Variants in CLASP2 observed in about 807,000 individuals in gnomAD.
CLASP2 encodes cytoplasmic linker associated protein 2.
In CLASP2, 47 loss-of-function variants were observed where a neutral mutation model predicts 194.4. That is an observed-to-expected ratio of 0.24 (90% CI 0.19 to 0.31). CLASP2 has a LOEUF of 0.31. CLASP2 is among the 10% of genes least tolerant of loss of function. The pLI is 1.00. For synonymous variants in CLASP2, 619 were observed against 633.5 expected, an observed-to-expected ratio of 0.98 and a Z score of 0.34; for missense variants, 1,445 against 1,823.6, an observed-to-expected ratio of 0.79 and a Z score of 3.78.
In CLASP2 at chr3:33,606,573, T is replaced by C. The variant is rs765371185; in HGVS notation, c.1694+18A>G. On this transcript the variant is annotated intron_variant, in intron 16 of 38. Coordinates refer to ENST00000682230, the MANE Select transcript of CLASP2 (RefSeq NM_001365631.1). ...GAGGAGAGGAAGAGACTAGTAATCATTATTTATATGACCTTACTTGAGACT... is the reference window on the plus strand; with the variant it reads ...GAGGAGAGGAAGAGACTAGTAATCACTATTTATATGACCTTACTTGAGACT... The C allele has an allele frequency of 3.7e-6, 6 of 1,601,512 alleles. No individual in the cohort carries two copies. The highest frequency in any genetic ancestry group is 2.2e-5 in the South Asian group (2 of 89,718).
At chr3:33,514,012 G>C (rs2050615738) in intron 36 of CLASP2, among the ~76,000 whole-genome samples, 1 of 151,844 alleles carries the variant, frequency 6.6e-6, no homozygotes, top group Non-Finnish European at 1.5e-5. Flanking sequence ...TTTTGAGACA[G>C]AGTCTTGCTC....
At chr3:33,710,917 G>C (rs2092972700) in intron 1 of CLASP2, among the ~76,000 whole-genome samples, 1 of 151,714 alleles carries the variant, frequency 6.6e-6, no homozygotes, top group Non-Finnish European at 1.5e-5. Flanking sequence ...CCTGGCGACT[G>C]AGTGAGACTC....
At chr3:33,660,711 TG>T (rs1202142889) in intron 7 of CLASP2, among the ~76,000 whole-genome samples, 2 of 152,226 alleles carry the variant, frequency 1.3e-5, no homozygotes, top group African/African-American at 4.8e-5. Flanking sequence ...CAATTTATTT[TG>T]CATAAATGCA....
In CLASP2 at chr3:33,618,814, A is replaced by G. The variant is rs909359915; in HGVS notation, c.1317+789T>C. Among the ~76,000 whole-genome samples, 7 of 152,336 alleles carry G rather than the reference A, an allele frequency of 4.6e-5. No homozygotes were observed. The Middle Eastern group carries it at 0.01, about 222-fold the overall frequency. ...GATTACTAACAAAGGAATAGAATTC[A>G]AAGGGAGAGATTTGTTTTTTCAACT... On this transcript the variant is annotated intron_variant, in intron 12 of 38. Coordinates refer to ENST00000682230, the MANE Select transcript of CLASP2 (RefSeq NM_001365631.1).
chr3:33,675,172 G>A (rs1322996550), intron 6 of CLASP2, among the ~76,000 whole-genome samples: 5 of 151,996 alleles, frequency 3.3e-5, no homozygotes, highest in African/African-American at 1.2e-4. Flanking sequence ...GATGAACATT[G>A]ATGCAAAAAT....
At chr3:33,581,978 A>T (rs745925633) in intron 22 of CLASP2, 50 bp from the exon 23 acceptor site, 2 of 1,335,252 alleles carry the variant, frequency 1.5e-6, no homozygotes, top group South Asian at 2.5e-5. Context: ...AACAGAACAG[A>T]GTTTGCATTT....
intron 18 of CLASP2, among the ~76,000 whole-genome samples, chr3:33,597,430 G>A (rs1490456298): frequency 6.6e-6 from 1 of 152,188 alleles, no homozygotes; most frequent in Admixed American, 6.5e-5. Flanking sequence ...TCTGGTAATC[G>A]TTTTGGATCC....
At chr3:33,717,414 C>A (rs539845356) in intron 1 of CLASP2, among the ~76,000 whole-genome samples, 1 of 152,092 alleles carries the variant, frequency 6.6e-6, no homozygotes, top group African/African-American at 2.4e-5. Flanking sequence ...CCCCCTGTTT[C>A]CCCTATTTTT....
intron 7 of CLASP2, among the ~76,000 whole-genome samples, chr3:33,647,266 A>C (rs1181432274): frequency 1.3e-5 from 2 of 152,182 alleles, no homozygotes; most frequent in African/African-American, 4.8e-5. Flanking sequence ...ATTTTAGATT[A>C]TAAGTCAAAG....
chr3:33,644,940 T>A, intron 7 of CLASP2, 37 bp from the exon 8 acceptor site: 1 of 1,553,922 alleles, frequency 6.4e-7, no homozygotes, highest in South Asian at 1.2e-5. Flanking sequence ...TTAAGAGAAC[T>A]AAGCTTTGTT....
chr3:33,631,784 C>T (rs372235583), intron 9 of CLASP2, among the ~76,000 whole-genome samples: 72 of 150,978 alleles, frequency 4.8e-4, no homozygotes, highest in African/African-American at 1.7e-3. Flanking sequence ...TCTGTACATA[C>T]AATAGAATAC....
chr3:33,647,708 T>C (rs1451452908), intron 7 of CLASP2, among the ~76,000 whole-genome samples: 1 of 152,180 alleles, frequency 6.6e-6, no homozygotes, highest in African/African-American at 2.4e-5. Flanking sequence ...AAGCAACAGT[T>C]TGCCAATCTC....
At chr3:33,574,443 T>C (rs2154196818) in intron 24 of CLASP2, 1 of 1,405,600 alleles carries the variant, frequency 7.1e-7, no homozygotes, top group South Asian at 1.4e-5. Context: ...TATGGTATCA[T>C]AAGATGTCAG....
Position 33,604,185 on chromosome 3 carries a change from A to T in CLASP2, c.1719T>A (p.Ser573=). 6.4e-7 allele frequency: 1 copy of T among 1,560,906 alleles called. No individual in the cohort carries two copies. Among genetic ancestry groups the T allele is most frequent in the South Asian group, 1.2e-5 (1 of 84,516 alleles). Residue 573 remains serine, a synonymous_variant, in exon 17 of 39, where the codon TCT becomes TCA. Transcript: ENST00000682230. The stretch of plus-strand genomic sequence containing the variant: ...CAGCCACAGTTGATGGATTTGCTGT[A>T]GACCATTTGGAAGAAAAAGGGCGAC... The part of the protein sequence containing the change: ...SLNRPFSSKW[S]TANPSTVAGR...
chr3:33,667,669 G>T (rs1389028788), intron 6 of CLASP2, among the ~76,000 whole-genome samples: 1 of 151,980 alleles, frequency 6.6e-6, no homozygotes, highest in Non-Finnish European at 1.5e-5. Context: ...TTTGGGTGTG[G>T]AGTGAGGAAG....
chr3:33,716,134 G>A (rs993034964), intron 1 of CLASP2, among the ~76,000 whole-genome samples: 2 of 152,154 alleles, frequency 1.3e-5, no homozygotes, highest in Non-Finnish European at 2.9e-5. Flanking sequence ...AAGGAAAAAG[G>A]AAGATTATAT....
intron 18 of CLASP2, 166 bp downstream of exon 18, chr3:33,602,786 G>A (rs1449703138): frequency 1.3e-6 from 1 of 741,992 alleles, no homozygotes; most frequent in East Asian, 2.7e-5. Context: ...GAGAAACAAG[G>A]CAGCTCAGAT....
At chr3:33,564,442 T>C (rs1178814354) in intron 27 of CLASP2, among the ~76,000 whole-genome samples, 1 of 152,232 alleles carries the variant, frequency 6.6e-6, no homozygotes, top group Non-Finnish European at 1.5e-5. Context: ...TTATGTTCTA[T>C]TAAGATCTGA....
chr3:33,510,890 C>T (rs1036691068), intron 36 of CLASP2, 126 bp from the exon 37 acceptor site: 22 of 856,108 alleles, frequency 2.6e-5, no homozygotes, highest in Non-Finnish European at 3.7e-5. Context: ...CTACAGTAAA[C>T]AAACATGAAA....
Sources: gnomAD v4.1 joint callset for allele counts (sites outside exome capture counted in the v4.1 genomes callset) on GRCh38, gnomAD v4.1.1 for gene constraint, MANE v1.5 for transcripts, NCBI Gene and HGNC (gene_info 2026-07-23, HGNC 2026-07-21) for gene names.